The following FAM185A variants were observed in gnomAD, a reference collection of about 807,000 sequenced individuals.
FAM185A encodes the protein protein FAM185A.
In FAM185A, 21 loss-of-function variants were observed where a neutral mutation model predicts 45.7. The ratio of observed to expected loss-of-function variants is 0.46; its 90% CI spans 0.33 to 0.66. FAM185A has a LOEUF of 0.66. Ranked by LOEUF, FAM185A falls within the 30% of genes least tolerant of loss-of-function variation. The pLI, the probability that FAM185A is intolerant of heterozygous loss-of-function variation, is 0.03. For synonymous variants in FAM185A, 117 were observed against 194.0 expected, an observed-to-expected ratio of 0.60 and a Z score of 3.30; for missense variants, 305 against 485.4, an observed-to-expected ratio of 0.63 and a Z score of 3.49.
chr7:102,783,923 T>A (rs1032864950), intron 6 of FAM185A, among the ~76,000 whole-genome samples: 1 of 151,578 alleles, frequency 6.6e-6, no homozygotes, highest in Non-Finnish European at 1.5e-5. Flanking sequence ...TCAACAAAAT[T>A]GATAGACCGC....
Position 102,749,011 on chromosome 7 carries a change from T to G in FAM185A, c.-197T>G, listed in dbSNP as rs1329254505. On this transcript the variant is annotated 5_prime_UTR_variant, in exon 1 of 8. Transcript: ENST00000413034. ...CAGGTCAGAGTTTAGAGCTTTCAAA[T>G]CCCAACTTGCCCCTGGGGATTGCGC... 1 of 872,966 alleles carries G rather than the reference T, an allele frequency of 1.1e-6. No homozygotes were observed. Among genetic ancestry groups the G allele is most frequent in the Admixed American group, 2.0e-5 (1 of 50,146 alleles). 54.1% of individuals were successfully genotyped at this position (872,966 alleles called of 1,614,324 possible).
At chr7:102,800,455 A>T (rs931457605) in intron 7 of FAM185A, among the ~76,000 whole-genome samples, 1 of 152,222 alleles carries the variant, frequency 6.6e-6, no homozygotes, top group African/African-American at 2.4e-5. Flanking sequence ...CCAGGGAGGG[A>T]CCAGAGAAAG....
rs1270145878 is a variant in FAM185A, at chr7:102,749,313, G to A, written c.106G>A (p.Ala36Thr). 23 of 1,549,608 alleles carry A rather than the reference G, an allele frequency of 1.5e-5. No homozygotes were observed. In the Admixed American group the frequency reaches 3.3e-4, roughly 22 times the overall value. Residue 36 changes from alanine to threonine, a missense_variant, in exon 1 of 8, where the codon GCC becomes ACC. By Grantham distance (58) the Ala-to-Thr change is moderately conservative. Coordinates refer to ENST00000413034, the MANE Select transcript of FAM185A (RefSeq NM_001145268.2). ...AGRWACWACQ[A>T]RPYSSGGSER... Reference sequence around the variant, plus strand: ...GCGCTGGGCTTGCTGGGCTTGCCAAGCCAGGCCGTACAGCTCAGGTGGGAG... The same window carrying A: ...GCGCTGGGCTTGCTGGGCTTGCCAAACCAGGCCGTACAGCTCAGGTGGGAG...
chr7:102,832,839 C>T, the FAM185A span: 3 of 1,614,146 alleles, frequency 1.9e-6, no homozygotes, highest in African/African-American at 4.0e-5. Flanking sequence ...CCTGCACATA[C>T]CTTTGGACAG....
chr7:102,825,105 T>A, the FAM185A span, among the ~76,000 whole-genome samples: 32 of 152,244 alleles, frequency 2.1e-4, no homozygotes, highest in Non-Finnish European at 4.3e-4. Context: ...TTTTGATGAC[T>A]GTTCATAAAT....
chr7:102,843,882 T>G, the FAM185A span, among the ~76,000 whole-genome samples: 1 of 152,148 alleles, frequency 6.6e-6, no homozygotes, highest in African/African-American at 2.4e-5. Flanking sequence ...ATGAGAGAAG[T>G]GGAGGTTCTA....
chr7:102,813,882 C>T (rs1320383385), downstream of FAM185A, among the ~76,000 whole-genome samples: 1 of 152,120 alleles, frequency 6.6e-6, no homozygotes, highest in African/African-American at 2.4e-5. Context: ...GTAACCTAAC[C>T]AGCCTACCTG....
chr7:102,770,977 G>C (rs1794709143), intron 4 of FAM185A, among the ~76,000 whole-genome samples: 1 of 152,234 alleles, frequency 6.6e-6, no homozygotes, highest in Non-Finnish European at 1.5e-5. Context: ...ATCAGTGGTG[G>C]ACTGGATAAA....
chr7:102,822,546 C>T, the FAM185A span: 23 of 446,760 alleles, frequency 5.1e-5, 1 homozygote, highest in South Asian at 3.7e-4. Context: ...AATCTGTTTA[C>T]TCCCAAAGGC....
Position 102,757,949 on chromosome 7 carries a change from A to G in FAM185A, c.654+3A>G, listed in dbSNP as rs767899581. On this transcript the variant is annotated splice_donor_region_variant and intron_variant, in intron 3 of 7. Transcript: ENST00000413034. ...ATATTCATGCATCAGATAAAAGTGT[A>G]AGATTGAAACTTTCTTTTTTTTTTT... 1.6e-5 allele frequency: 25 copies of G among 1,520,396 alleles called. No homozygotes were observed. The highest frequency in any genetic ancestry group is 2.0e-5 in the Non-Finnish European group (23 of 1,136,856). 94.2% of individuals were successfully genotyped at this position (1,520,396 alleles called of 1,614,324 possible). A position where few individuals can be genotyped will look rare whatever the true frequency, so the allele number is the denominator to read the frequency against.
intron 5 of FAM185A, among the ~76,000 whole-genome samples, chr7:102,774,640 T>C (rs571271323): frequency 2.5e-3 from 374 of 152,350 alleles, no homozygotes; most frequent in African/African-American, 8.4e-3. Flanking sequence ...TTTTTTACTT[T>C]CTTTGTTCGT....
At chr7:102,774,901 C>G (rs1794963093) in intron 5 of FAM185A, among the ~76,000 whole-genome samples, 2 of 152,100 alleles carry the variant, frequency 1.3e-5, no homozygotes, top group African/African-American at 2.4e-5. Context: ...ACACCTGGCC[C>G]TTTCTTTAAA....
chr7:102,780,352 T>G (rs558135532), intron 6 of FAM185A, among the ~76,000 whole-genome samples: 4 of 152,208 alleles, frequency 2.6e-5, no homozygotes, highest in African/African-American at 9.6e-5. Flanking sequence ...GCAACCCACA[T>G]AATTCTAAAA....
In FAM185A at chr7:102,771,978, G is replaced by A. The variant is rs1312266960; in HGVS notation, c.794-431G>A. The stretch of plus-strand genomic sequence containing the variant: ...TTTTAATTTAATAGACATGGCAAGT[G>A]GCCTGAAAAATAAAAGTAATTCTTT... On this transcript the variant is annotated intron_variant, in intron 4 of 7. Transcript: ENST00000413034. Among the ~76,000 whole-genome samples the A allele has an allele frequency of 4.0e-5, 6 of 150,258 alleles. No homozygotes were observed. The East Asian group carries it at 1.2e-3, about 29-fold the overall frequency.
At chr7:102,834,151 A>AAGAGT in the FAM185A span, among the ~76,000 whole-genome samples, 2 of 78,786 alleles carry the variant, frequency 2.5e-5, no homozygotes, top group African/African-American at 2.1e-4. Flanking sequence ...AAGAGAAGAC[A>AAGAGT]AGAGAAAAGA....
chr7:102,777,075 G>A (rs1039033879), intron 5 of FAM185A, among the ~76,000 whole-genome samples, 178 bp from the exon 6 acceptor site: 1 of 152,104 alleles, frequency 6.6e-6, no homozygotes, highest in South Asian at 2.1e-4. Context: ...TAGATTTCTA[G>A]GTTTCTGATA....
At chr7:102,829,021 G>A in the FAM185A span, among the ~76,000 whole-genome samples, 1 of 152,142 alleles carries the variant, frequency 6.6e-6, no homozygotes, top group East Asian at 1.9e-4. Context: ...GTACTGACTG[G>A]AACAGCCAGG....
At chr7:102,850,061 A>C in the FAM185A span, among the ~76,000 whole-genome samples, 1 of 152,306 alleles carries the variant, frequency 6.6e-6, no homozygotes, top group South Asian at 2.1e-4. Context: ...AGAACAACTA[A>C]TCTTTTAGAT....
chr7:102,789,786 G>C (rs1420213537), intron 7 of FAM185A, among the ~76,000 whole-genome samples: 2 of 152,202 alleles, frequency 1.3e-5, no homozygotes, highest in South Asian at 2.1e-4. Flanking sequence ...ACACTTTACA[G>C]CTGTAGAGAT....
Sources: gnomAD v4.1 joint callset for allele counts (sites outside exome capture counted in the v4.1 genomes callset) on GRCh38, gnomAD v4.1.1 for gene constraint, MANE v1.5 for transcripts, NCBI Gene and HGNC (gene_info 2026-07-23, HGNC 2026-07-21) for gene names.